The following ZHX1 variants were observed in gnomAD, a reference collection of about 807,000 sequenced individuals.
The protein encoded by ZHX1 is zinc fingers and homeoboxes 1.
ZHX1 carries 20 observed loss-of-function variants against 61.8 expected under a neutral mutation model. That is an observed-to-expected ratio of 0.32 (90% CI 0.23 to 0.47). The LOEUF is 0.47. Among genes scored for constraint, ZHX1 ranks in the 20% least tolerant of loss-of-function variants. The probability of loss-of-function intolerance (pLI) is 1.00; values close to 1 mark genes in which losing one functional copy is unlikely to be tolerated. For missense variants in ZHX1, 800 were observed against 1,034.8 expected (o/e 0.77, Z 3.11); for synonymous variants, 318 against 352.6 (o/e 0.90, Z 1.10).
intron 1 of ZHX1, among the ~76,000 whole-genome samples, chr8:123,268,205 T>C (rs1367766440): frequency 5.3e-5 from 8 of 152,222 alleles, no homozygotes; most frequent in Admixed American, 1.3e-4. Flanking sequence ...CTAGTAGTAC[T>C]TGATCTACAA....
chr8:123,266,507 A>T (rs916127041), intron 2 of ZHX1, among the ~76,000 whole-genome samples: 6 of 152,208 alleles, frequency 3.9e-5, no homozygotes, highest in African/African-American at 1.4e-4. Context: ...ATGTTTATCA[A>T]ATCTTTCCTA....
chr8:123,260,644 A>G (rs189740314), intron 2 of ZHX1, among the ~76,000 whole-genome samples: 149 of 151,786 alleles, frequency 9.8e-4, no homozygotes, highest in African/African-American at 2.7e-3. Flanking sequence ...ATATATAGAG[A>G]GAGATCTCAA....
intron 1 of ZHX1, among the ~76,000 whole-genome samples, chr8:123,270,071 A>C (rs1586834573): frequency 6.6e-6 from 1 of 152,244 alleles, no homozygotes. Context: ...ATCTGATATA[A>C]GTAATTTTAT....
chr8:123,250,327 A>T lies in ZHX1; in HGVS notation c.*4-7T>A, dbSNP rs1219063752. On this transcript the variant is annotated splice_region_variant and splice_polypyrimidine_tract_variant and intron_variant, in intron 3 of 3. Coordinates refer to ENST00000395571, the MANE Select transcript of ZHX1 (RefSeq NM_007222.5). ...CCTTCAACGTTTTAGGCAGCTAAAAAAGAAAAACATCATAAAAAACTGAAA... is the reference window on the plus strand; with the variant it reads ...CCTTCAACGTTTTAGGCAGCTAAAATAGAAAAACATCATAAAAAACTGAAA... The T allele has an allele frequency of 2.6e-6, 1 of 384,208 alleles. No homozygotes were observed. The highest frequency in any genetic ancestry group is 5.2e-6 in the Non-Finnish European group (1 of 192,794). 23.8% of individuals were successfully genotyped at this position (384,208 alleles called of 1,614,324 possible). A position where few individuals can be genotyped will look rare whatever the true frequency, so the allele number is the denominator to read the frequency against.
At chr8:123,265,336 C>A (rs1392685411) in intron 2 of ZHX1, among the ~76,000 whole-genome samples, 1 of 151,444 alleles carries the variant, frequency 6.6e-6, no homozygotes, top group East Asian at 1.9e-4. Flanking sequence ...GTATATATAC[C>A]GAGAATGTTT....
chr8:123,256,763 C>CAA (rs746243163), intron 2 of ZHX1, among the ~76,000 whole-genome samples: 71 of 112,702 alleles, frequency 6.3e-4, no homozygotes, highest in African/African-American at 2.0e-3. Flanking sequence ...GACTCCATCT[C>CAA]AAAAAAAAAA....
At chr8:123,275,110 C>T (rs1283937279), upstream of ZHX1, among the ~76,000 whole-genome samples, 1 of 152,226 alleles carries the variant, frequency 6.6e-6, no homozygotes, top group African/African-American at 2.4e-5. Context: ...GCCCCTCAGC[C>T]GCCCTCCTCC....
intron 1 of ZHX1, among the ~76,000 whole-genome samples, chr8:123,270,879 T>C (rs994107171): frequency 6.6e-6 from 1 of 152,092 alleles, no homozygotes; most frequent in Non-Finnish European, 1.5e-5. Context: ...AAGTATATCA[T>C]CACATTTGTT....
In ZHX1 at chr8:123,250,309, C is replaced by G. The variant is rs923434297; in HGVS notation, c.*15G>C. ...AGTTGAAGAATTGATTCTCCTTCAACGTTTTAGGCAGCTAAAAAAGAAAAA... is the reference window on the plus strand; with the variant it reads ...AGTTGAAGAATTGATTCTCCTTCAAGGTTTTAGGCAGCTAAAAAAGAAAAA... On this transcript the variant is annotated 3_prime_UTR_variant, in exon 4 of 4. Coordinates refer to ENST00000395571, the MANE Select transcript of ZHX1 (RefSeq NM_007222.5). 5.1e-6 allele frequency: 2 copies of G among 393,872 alleles called. No homozygotes were observed. Among genetic ancestry groups the G allele is most frequent in the Non-Finnish European group, 1.0e-5 (2 of 198,068 alleles). The allele number at this position is 393,872 out of a possible 1,614,324, so 24.4% of individuals were successfully genotyped here.
At chr8:123,271,751 G>A (rs954518598) in intron 1 of ZHX1, among the ~76,000 whole-genome samples, 2 of 151,570 alleles carry the variant, frequency 1.3e-5, no homozygotes, top group East Asian at 1.9e-4. Context: ...TATTAATTTC[G>A]CTAATAACTG....
intron 1 of ZHX1, among the ~76,000 whole-genome samples, chr8:123,270,493 T>A (rs577855787): frequency 1.7e-4 from 26 of 152,132 alleles, no homozygotes; most frequent in African/African-American, 6.0e-4. Flanking sequence ...TAAAAATGAT[T>A]TATTTGGCTG....
In ZHX1 at chr8:123,253,393, T is replaced by C. The variant is rs1554635650; in HGVS notation, c.2554A>G (p.Thr852Ala). Residue 852 changes from threonine to alanine, a missense_variant, in exon 3 of 4, where the codon ACA becomes GCA. Coordinates refer to ENST00000395571, the MANE Select transcript of ZHX1 (RefSeq NM_007222.5). ...GGTTCCCAAGTGTCACTATCATCTG[T>C]TTCTTCTTCATCCTCTTCCTGGTCA... is the stretch of plus-strand genomic sequence containing the variant. ...IDDQEEDEEE[T>A]DDSDTWEPPR... The C allele has an allele frequency of 1.2e-6, 2 of 1,613,918 alleles. No homozygotes were observed. The highest frequency in any genetic ancestry group is 1.1e-5 in the South Asian group (1 of 91,080).
Position 123,253,513 on chromosome 8 carries a change from C to T in ZHX1, c.2434G>A (p.Glu812Lys). 1 of 1,614,182 alleles carries T rather than the reference C, an allele frequency of 6.2e-7. No homozygotes were observed. Among genetic ancestry groups the T allele is most frequent in the Non-Finnish European group, 8.5e-7 (1 of 1,180,018 alleles). ...TCTGCAAACCACTCTCTGACCTGCT[C>T]ATAGCCCATATGTGATTTGTTAACA... ...ELVNKSHMGY[E>K]QVREWFAERQ... The change falls in exon 3 of 4, where the codon GAG becomes AAG. Residue 812 changes from glutamate to lysine, a missense_variant. By Grantham distance (56) the Glu-to-Lys change is moderately conservative. Transcript: ENST00000395571.
rs1825874413 is a variant in ZHX1, at chr8:123,249,861, C to G, written c.*463G>C. On this transcript the variant is annotated 3_prime_UTR_variant, in exon 4 of 4. Coordinates refer to ENST00000395571, the MANE Select transcript of ZHX1 (RefSeq NM_007222.5). ...GGTTTTTTTTTTTTTTTTTTTTTTA[C>G]CCATTTCTAACAATTTTTACTGTAA... 1.0e-5 allele frequency: 1 copy of G among 96,912 alleles called. No individual in the cohort carries two copies. Among genetic ancestry groups the G allele is most frequent in the Admixed American group, 1.0e-4 (1 of 9,606 alleles). 6.0% of individuals were successfully genotyped at this position (96,912 alleles called of 1,614,324 possible).
rs1413836574 is a variant in ZHX1, at chr8:123,254,815, T to A, written c.1132A>T (p.Ser378Cys). ...TGTAAAATAGATGGTAAACCATTAC[T>A]CCCTGTGGAAATGTGTGTAGGAATA... ...TVIPTHISTG[S>C]NGLPSILQTC... The change falls in exon 3 of 4, where the codon AGT becomes TGT. Residue 378 changes from serine (S) to cysteine (C), a missense_variant. Transcript: ENST00000395571. This position sits in a 1 kb window ranked among gnomAD's most constrained non-coding sequence, Gnocchi z 4.1. The A allele has an allele frequency of 2.5e-6, 4 of 1,614,114 alleles. No individual in the cohort carries two copies. The highest frequency in any genetic ancestry group is 1.7e-6 in the Non-Finnish European group (2 of 1,180,042).
Position 123,254,151 on chromosome 8 carries a change from T to C in ZHX1, c.1796A>G (p.Asn599Ser), listed in dbSNP as rs1444565883. Residue 599 changes from asparagine (N) to serine (S), a missense_variant, in exon 3 of 4, where the codon AAT becomes AGT. Coordinates refer to ENST00000395571, the MANE Select transcript of ZHX1 (RefSeq NM_007222.5). This position sits in a 1 kb window ranked among gnomAD's most constrained non-coding sequence, Gnocchi z 4.1. ...NSSVLTDEEL[N>S]RLRAQTKLTR... is the part of the protein sequence containing the mutation. ...AAGTTTGGTTTGTGCCCTTAACCTA[T>C]TTAATTCTTCATCTGTAAGTACAGA... 1.2e-6 allele frequency: 2 copies of C among 1,614,172 alleles called. No individual in the cohort carries two copies. The highest frequency in any genetic ancestry group is 1.1e-5 in the South Asian group (1 of 91,084).
chr8:123,268,276 C>T (rs576018914), intron 1 of ZHX1, among the ~76,000 whole-genome samples: 127 of 152,320 alleles, frequency 8.3e-4, no homozygotes, highest in Non-Finnish European at 1.5e-3. Flanking sequence ...CTGAAAGCTA[C>T]TACCAAATGG....
intron 2 of ZHX1, among the ~76,000 whole-genome samples, chr8:123,261,640 A>G (rs980665987): frequency 6.6e-6 from 1 of 152,174 alleles, no homozygotes; most frequent in Non-Finnish European, 1.5e-5. Context: ...TCTAGAAAAG[A>G]AGCAGAGAAG....
intron 2 of ZHX1, among the ~76,000 whole-genome samples, chr8:123,258,450 G>A (rs1826144208): frequency 6.6e-6 from 1 of 152,280 alleles, no homozygotes; most frequent in South Asian, 2.1e-4. Context: ...AACACAAAGA[G>A]ACTGAGACAC....
Sources: gnomAD v4.1 joint callset for allele counts (sites outside exome capture counted in the v4.1 genomes callset) on GRCh38, gnomAD v4.1.1 for gene constraint, Gnocchi (gnomAD v3.1) non-coding constraint, MANE v1.5 for transcripts, NCBI Gene and HGNC (gene_info 2026-07-23, HGNC 2026-07-21) for gene names.